PPP1R9A: variants seen among roughly 807,000 people sequenced by gnomAD.
The protein encoded by PPP1R9A is neurabin-1.
Under a neutral mutation model 141.9 loss-of-function variants are expected in PPP1R9A, and 59 were observed. That is an observed-to-expected ratio of 0.42 (90% CI 0.34 to 0.52). The LOEUF (loss-of-function observed/expected upper bound fraction) is 0.52. Among genes scored for constraint, PPP1R9A ranks in the 20% least tolerant of loss-of-function variants. The pLI is 0.10. For synonymous variants in PPP1R9A, 500 were observed against 569.7 expected (o/e 0.88, Z 1.74); for missense variants, 1,444 against 1,611.9 (o/e 0.90, Z 1.78).
chr7:94,959,751 T>C (rs1028879837), intron 2 of PPP1R9A, among the ~76,000 whole-genome samples: 3 of 151,726 alleles, frequency 2.0e-5, no homozygotes, highest in African/African-American at 7.2e-5. Flanking sequence ...GTCACTCTAA[T>C]AGGTCATATT....
intron 2 of PPP1R9A, among the ~76,000 whole-genome samples, chr7:95,039,873 A>G (rs186360627): frequency 4.6e-5 from 7 of 152,300 alleles, no homozygotes; most frequent in African/African-American, 1.7e-4. Context: ...AACTTTCTAA[A>G]ATTAATGACA....
intron 8 of PPP1R9A, among the ~76,000 whole-genome samples, chr7:95,231,666 A>G (rs553957699): frequency 6.6e-6 from 1 of 152,174 alleles, no homozygotes; most frequent in South Asian, 2.1e-4. Context: ...AACAATCAAG[A>G]TGGAAATTTA....
At chr7:95,164,073 A>G (rs1563339619) in intron 5 of PPP1R9A, among the ~76,000 whole-genome samples, 1 of 152,174 alleles carries the variant, frequency 6.6e-6, no homozygotes, top group Non-Finnish European at 1.5e-5. Flanking sequence ...TAAGTTTTCT[A>G]CTGGGTAAAT....
At chr7:94,997,279 C>A (rs1178333194) in intron 2 of PPP1R9A, among the ~76,000 whole-genome samples, 1 of 151,906 alleles carries the variant, frequency 6.6e-6, no homozygotes, top group Non-Finnish European at 1.5e-5. Flanking sequence ...CTGTTCTAGT[C>A]TCTTTTTTTC....
chr7:94,996,270 T>A (rs1399105709), intron 2 of PPP1R9A, among the ~76,000 whole-genome samples: 4 of 152,138 alleles, frequency 2.6e-5, no homozygotes, highest in Non-Finnish European at 5.9e-5. Flanking sequence ...AAGAAATGAT[T>A]TATTATACAG....
chr7:95,246,750 C>T (rs1342107883), intron 8 of PPP1R9A, among the ~76,000 whole-genome samples: 2 of 152,064 alleles, frequency 1.3e-5, no homozygotes, highest in African/African-American at 4.8e-5. Flanking sequence ...ACGAATGATT[C>T]GTTCAGTTCC....
chr7:95,277,528 C>G (rs1803424195), intron 16 of PPP1R9A, among the ~76,000 whole-genome samples: 1 of 152,038 alleles, frequency 6.6e-6, no homozygotes, highest in Admixed American at 6.6e-5. Flanking sequence ...CTCCTGGGCT[C>G]AAGTGATCCT....
chr7:95,004,604 CTAAATGAACCTTCTT>C (rs1345923123), intron 2 of PPP1R9A, among the ~76,000 whole-genome samples: 1 of 152,090 alleles, frequency 6.6e-6, no homozygotes, highest in Non-Finnish European at 1.5e-5. Context: ...TACTACGTGC[CTAAATGAACCTTCTT>C]TAGAGGGCTA....
intron 4 of PPP1R9A, among the ~76,000 whole-genome samples, chr7:95,148,283 G>T (rs991772638): frequency 1.3e-5 from 2 of 152,034 alleles, no homozygotes; most frequent in African/African-American, 4.8e-5. Context: ...TCTTAGCAAA[G>T]ATCGATATTT....
chr7:95,172,102 C>G (rs1347127202), intron 5 of PPP1R9A, among the ~76,000 whole-genome samples: 1 of 151,504 alleles, frequency 6.6e-6, no homozygotes, highest in Non-Finnish European at 1.5e-5. Context: ...GGAATTTCCT[C>G]AATGAGATAA....
chr7:95,252,990 A>G (rs1390520668), intron 12 of PPP1R9A, among the ~76,000 whole-genome samples: 1 of 152,240 alleles, frequency 6.6e-6, no homozygotes, highest in African/African-American at 2.4e-5. Context: ...ATCTTCATTC[A>G]TACACCAACC....
chr7:95,185,438 G>A (rs559919042), intron 5 of PPP1R9A, among the ~76,000 whole-genome samples: 4 of 151,450 alleles, frequency 2.6e-5, no homozygotes, highest in African/African-American at 9.7e-5. Flanking sequence ...GTCCTGTGTC[G>A]GATGTATAGA....
intron 2 of PPP1R9A, among the ~76,000 whole-genome samples, chr7:94,986,587 T>C (rs1427493111): frequency 6.6e-6 from 1 of 152,186 alleles, no homozygotes; most frequent in Non-Finnish European, 1.5e-5. Context: ...TAATTTAGTG[T>C]ATATTTTCAA....
At chr7:95,214,467 T>C (rs1792852984) in intron 7 of PPP1R9A, 2 of 152,082 alleles carry the variant, frequency 1.3e-5, no homozygotes, top group Admixed American at 6.6e-5. Flanking sequence ...TTCCCAATAG[T>C]GAGGGCTGAG....
intron 5 of PPP1R9A, among the ~76,000 whole-genome samples, chr7:95,167,104 G>T (rs1831381027): frequency 6.6e-6 from 1 of 152,170 alleles, no homozygotes; most frequent in Non-Finnish European, 1.5e-5. Flanking sequence ...ACAGTTCCAT[G>T]TGGCTGGGGG....
chr7:95,080,943 G>T (rs1465137520), intron 2 of PPP1R9A, among the ~76,000 whole-genome samples: 1 of 152,158 alleles, frequency 6.6e-6, no homozygotes, highest in South Asian at 2.1e-4. Flanking sequence ...TCCATATGGG[G>T]TAAGATGTCA....
intron 7 of PPP1R9A, among the ~76,000 whole-genome samples, chr7:95,214,680 A>G (rs1303059369): frequency 8.5e-5 from 13 of 152,154 alleles, no homozygotes; most frequent in Non-Finnish European, 1.0e-4. Flanking sequence ...TCTGCCTCCT[A>G]TAGTAGGAAA....
intron 8 of PPP1R9A, among the ~76,000 whole-genome samples, chr7:95,232,170 A>G (rs1169824353): frequency 1.3e-5 from 2 of 152,124 alleles, no homozygotes; most frequent in Non-Finnish European, 2.9e-5. Flanking sequence ...GAAATATACA[A>G]TCACCCTAGA....
Position 95,267,323 on chromosome 7 carries a change from A to G in PPP1R9A, c.2666-1227A>G, listed in dbSNP as rs181059043. ...TAATACAAGTACATAATTTTCTGCA[A>G]CTCAGTTATTTGCACTCAATTATTA... On this transcript the variant is annotated intron_variant, in intron 12 of 19. Coordinates refer to ENST00000433360, the MANE Select transcript of PPP1R9A (RefSeq NM_001166160.2). Among the ~76,000 whole-genome samples, 11 of 152,248 alleles carry G rather than the reference A, an allele frequency of 7.2e-5. No homozygotes were observed. In the East Asian group the frequency reaches 2.1e-3, roughly 29 times the overall value.
Sources: allele counts gnomAD v4.1 joint callset (sites outside exome capture counted in the v4.1 genomes callset), GRCh38; gene constraint gnomAD v4.1.1; transcripts MANE v1.5; gene names NCBI Gene and HGNC (gene_info 2026-07-23, HGNC 2026-07-21).